CA10: variants seen among roughly 807,000 people sequenced by gnomAD.
CA10 encodes carbonic anhydrase-related protein 10.
A neutral mutation model predicts 44.2 loss-of-function variants in CA10; 14 were observed. The observed-to-expected ratio is 0.32, with a 90% CI of 0.21 to 0.50. The LOEUF is 0.50. Ranked by LOEUF, CA10 falls within the 20% of genes least tolerant of loss-of-function variation. The pLI is 0.99. For missense variants in CA10, 350 were observed against 409.7 expected (o/e 0.85, Z 1.26); for synonymous variants, 159 against 141.6 (o/e 1.12, Z -0.87).
chr17:51,809,093 A>T (rs1907252549), intron 3 of CA10, among the ~76,000 whole-genome samples: 1 of 135,868 alleles, frequency 7.4e-6, no homozygotes, highest in Non-Finnish European at 1.5e-5. Context: ...AGACCTAAAT[A>T]AAAAAAAAAA....
intron 3 of CA10, among the ~76,000 whole-genome samples, chr17:51,923,752 C>T (rs571651896): frequency 1.6e-4 from 24 of 152,238 alleles, no homozygotes; most frequent in African/African-American, 5.8e-4. Context: ...AAAAACATAA[C>T]TGAAAATTAG....
At position 51,817,590 on chromosome 17, in the gene CA10, C is replaced by A. The variant is rs969154990; in HGVS notation, c.280-69772G>T. Among the ~76,000 whole-genome samples the A allele has an allele frequency of 2.6e-5, 4 of 152,274 alleles. No homozygotes were observed. In the East Asian group the frequency reaches 5.8e-4, roughly 22 times the overall value. On this transcript the variant is annotated intron_variant, in intron 3 of 8. Transcript: ENST00000451037. ...AACACTGGGCCAACTGAATTTAAAG[C>A]CAGAACCTGTAGCCCCTTTGTCACT...
intron 4 of CA10, among the ~76,000 whole-genome samples, chr17:51,669,145 A>T (rs1914317764): frequency 6.6e-6 from 1 of 152,216 alleles, no homozygotes. Flanking sequence ...GCGGGACCAG[A>T]TGGCAGCTCT....
At chr17:51,782,504 T>C (rs961265049) in intron 3 of CA10, among the ~76,000 whole-genome samples, 1 of 152,234 alleles carries the variant, frequency 6.6e-6, no homozygotes, top group Non-Finnish European at 1.5e-5. Context: ...TGGCAGATGG[T>C]ATCCAGCATT....
At chr17:51,927,059 T>A (rs1982462213) in intron 3 of CA10, among the ~76,000 whole-genome samples, 1 of 152,170 alleles carries the variant, frequency 6.6e-6, no homozygotes, top group East Asian at 1.9e-4. Flanking sequence ...CCCAGTCTCT[T>A]TTTTAGATCC....
At chr17:51,681,679 C>A (rs944520187) in intron 4 of CA10, among the ~76,000 whole-genome samples, 1 of 152,132 alleles carries the variant, frequency 6.6e-6, no homozygotes, top group Non-Finnish European at 1.5e-5. Flanking sequence ...TAAGTCGTGG[C>A]TGTTTATCTT....
At chr17:51,954,462 G>C (rs1983594308) in intron 2 of CA10, among the ~76,000 whole-genome samples, 4 of 152,248 alleles carry the variant, frequency 2.6e-5, no homozygotes, top group African/African-American at 9.6e-5. Flanking sequence ...TTAGACTCTA[G>C]GGAGTCACGG....
chr17:51,708,357 A>G (rs1915824476), intron 4 of CA10, among the ~76,000 whole-genome samples: 1 of 152,174 alleles, frequency 6.6e-6, no homozygotes. Flanking sequence ...CAGAATTTTC[A>G]ATATCAATAT....
intron 1 of CA10, among the ~76,000 whole-genome samples, chr17:52,077,387 G>T (rs1043963479): frequency 6.6e-6 from 1 of 152,064 alleles, no homozygotes. Context: ...CATAAAGGGC[G>T]ACATAATACA....
At chr17:51,664,773 C>A (rs1914149346) in intron 4 of CA10, among the ~76,000 whole-genome samples, 1 of 152,006 alleles carries the variant, frequency 6.6e-6, no homozygotes, top group South Asian at 2.1e-4. Flanking sequence ...TTTCGGGAGA[C>A]CACAATGCGA....
chr17:51,783,935 C>T (rs1443823464), intron 3 of CA10, among the ~76,000 whole-genome samples: 1 of 152,050 alleles, frequency 6.6e-6, no homozygotes, highest in Non-Finnish European at 1.5e-5. Flanking sequence ...CTGGCCTGCT[C>T]TCCATCTTTA....
At chr17:51,818,625 G>A (rs747595481) in intron 3 of CA10, among the ~76,000 whole-genome samples, 13 of 152,090 alleles carry the variant, frequency 8.5e-5, no homozygotes, top group East Asian at 3.9e-4. Context: ...GATCGCTTTC[G>A]TGATGATGGT....
intron 2 of CA10, among the ~76,000 whole-genome samples, chr17:52,028,849 T>C (rs1269471780): frequency 6.6e-6 from 1 of 152,226 alleles, no homozygotes; most frequent in Non-Finnish European, 1.5e-5. Context: ...ATAGGACTTT[T>C]AGGGCCATGA....
At chr17:51,703,744 A>G (rs1261578744) in intron 4 of CA10, among the ~76,000 whole-genome samples, 4 of 152,238 alleles carry the variant, frequency 2.6e-5, no homozygotes, top group African/African-American at 9.6e-5. Flanking sequence ...CTGCCATTAA[A>G]AGAGACAAAC....
chr17:52,090,088 A>C (rs1988219811), intron 1 of CA10, among the ~76,000 whole-genome samples: 1 of 152,206 alleles, frequency 6.6e-6, no homozygotes, highest in Non-Finnish European at 1.5e-5. Flanking sequence ...CAAGTTATTA[A>C]GTAACTGTAA....
intron 1 of CA10, among the ~76,000 whole-genome samples, chr17:52,104,943 A>T (rs1420741276): frequency 6.6e-6 from 1 of 152,196 alleles, no homozygotes; most frequent in Non-Finnish European, 1.5e-5. Flanking sequence ...TTACAAAAAA[A>T]TAAGGGGTTC....
intron 4 of CA10, among the ~76,000 whole-genome samples, chr17:51,709,083 C>A (rs1485006908): frequency 2.6e-5 from 4 of 151,238 alleles, no homozygotes; most frequent in East Asian, 1.9e-4. Flanking sequence ...CTTCAGAGAA[C>A]CCTGACTAAT....
chr17:51,690,623 G>A (rs1915163161), intron 4 of CA10, among the ~76,000 whole-genome samples: 1 of 152,116 alleles, frequency 6.6e-6, no homozygotes, highest in African/African-American at 2.4e-5. Context: ...TTTTACAAAG[G>A]GCAGTTCCCC....
At chr17:51,994,432 C>T (rs1039812627) in intron 2 of CA10, among the ~76,000 whole-genome samples, 1 of 152,030 alleles carries the variant, frequency 6.6e-6, no homozygotes, top group Admixed American at 6.6e-5. Flanking sequence ...ATTTTTTCAA[C>T]TCTAATATAA....
Sources: gnomAD v4.1 joint callset for allele counts (sites outside exome capture counted in the v4.1 genomes callset) on GRCh38, gnomAD v4.1.1 for gene constraint, MANE v1.5 for transcripts, NCBI Gene and HGNC (gene_info 2026-07-23, HGNC 2026-07-21) for gene names.